Variants in ATF7IP observed in about 807,000 individuals in gnomAD.
The protein encoded by ATF7IP is activating transcription factor 7 interacting protein.
Under a neutral mutation model 106.4 loss-of-function variants are expected in ATF7IP, and 23 were observed. The ratio of observed to expected loss-of-function variants is 0.22; its 90% CI spans 0.16 to 0.31. The LOEUF is 0.31. Among genes scored for constraint, ATF7IP ranks in the 10% least tolerant of loss-of-function variants. The pLI is 1.00. For synonymous variants in ATF7IP, 542 were observed against 539.0 expected, an observed-to-expected ratio of 1.01 and a Z score of -0.08; for missense variants, 1,334 against 1,524.3, an observed-to-expected ratio of 0.88 and a Z score of 2.08.
At chr12:14,409,852 G>T (rs1940808711) in intron 1 of ATF7IP, among the ~76,000 whole-genome samples, 1 of 152,020 alleles carries the variant, frequency 6.6e-6, no homozygotes, top group South Asian at 2.1e-4. Context: ...ACCCAGTAAA[G>T]GGGTTTAGGT....
At chr12:14,447,682 A>ATTCTTT (rs1287523696) in intron 6 of ATF7IP, among the ~76,000 whole-genome samples, 1 of 152,136 alleles carries the variant, frequency 6.6e-6, no homozygotes, top group Non-Finnish European at 1.5e-5. Context: ...CATTCTTGTC[A>ATTCTTT]GATTCCCAGT....
At chr12:14,449,476 A>G (rs1052906662) in intron 6 of ATF7IP, among the ~76,000 whole-genome samples, 2 of 151,930 alleles carry the variant, frequency 1.3e-5, no homozygotes, top group Admixed American at 6.6e-5. Flanking sequence ...TAAGCTCTCT[A>G]TTCATTTCCT....
intron 1 of ATF7IP, among the ~76,000 whole-genome samples, chr12:14,381,792 C>T (rs958709820): frequency 6.6e-5 from 10 of 151,324 alleles, no homozygotes; most frequent in South Asian, 2.1e-4. Flanking sequence ...CTATAGTTTT[C>T]AATAATTTGC....
intron 2 of ATF7IP, among the ~76,000 whole-genome samples, 178 bp downstream of exon 2, chr12:14,425,651 G>A (rs956431206): frequency 6.6e-6 from 1 of 152,144 alleles, no homozygotes; most frequent in Non-Finnish European, 1.5e-5. Flanking sequence ...TACTCTGTGA[G>A]TAGCATTGTA....
chr12:14,424,067 G>A lies in ATF7IP; in HGVS notation c.152G>A (p.Gly51Glu). ...VKLLNGNHEN[G>E]DLDPTSPLEN... ...CTGTTAAATGGCAACCATGAAAATG[G>A]AGATTTGGACCCAACCTCACCTTTG... The change falls in exon 2 of 15, where the codon GGA becomes GAA. Residue 51 changes from glycine to glutamate, a missense_variant. Around this residue, in one of 10 missense-constraint regions of ATF7IP, gnomAD observed 74 missense variants for 101.9 expected, o/e 0.73. Coordinates refer to ENST00000261168, the MANE Select transcript of ATF7IP (RefSeq NM_018179.5). The A allele has an allele frequency of 1.2e-6, 2 of 1,614,116 alleles. No individual in the cohort carries two copies. The highest frequency in any genetic ancestry group is 1.7e-6 in the Non-Finnish European group (2 of 1,180,020).
chr12:14,427,656 G>A (rs117179761), intron 2 of ATF7IP, among the ~76,000 whole-genome samples: 1,683 of 152,256 alleles, frequency 0.011, 9 homozygotes, highest in Middle Eastern at 0.024. Context: ...GAGCCACCGC[G>A]TCTGGCCAAG....
chr12:14,423,189 T>C (rs1458948650), intron 1 of ATF7IP, among the ~76,000 whole-genome samples: 1 of 152,190 alleles, frequency 6.6e-6, no homozygotes, highest in Non-Finnish European at 1.5e-5. Context: ...TTTCTGGAAA[T>C]GTCTGTTCAA....
At chr12:14,406,521 T>A (rs1940588189) in intron 1 of ATF7IP, among the ~76,000 whole-genome samples, 3 of 152,152 alleles carry the variant, frequency 2.0e-5, no homozygotes, top group Admixed American at 2.0e-4. Flanking sequence ...TAAGAACTAT[T>A]TTAAGATATT....
At chr12:14,380,926 T>C (rs1938978288) in intron 1 of ATF7IP, among the ~76,000 whole-genome samples, 1 of 152,160 alleles carries the variant, frequency 6.6e-6, no homozygotes, top group Non-Finnish European at 1.5e-5. Context: ...GGCCAGGTAC[T>C]CTCATTTTTA....
At chr12:14,486,659 G>T (rs1334101049) in intron 13 of ATF7IP, among the ~76,000 whole-genome samples, 1 of 152,182 alleles carries the variant, frequency 6.6e-6, no homozygotes, top group Non-Finnish European at 1.5e-5. Context: ...ATTATCCAAT[G>T]CTAGAGCTCT....
intron 1 of ATF7IP, among the ~76,000 whole-genome samples, chr12:14,375,588 T>A (rs1029600464): frequency 7.2e-5 from 11 of 152,048 alleles, no homozygotes; most frequent in African/African-American, 2.7e-4. Context: ...AAACAAAAAA[T>A]TTTCCTAAAA....
chr12:14,408,172 A>G lies in ATF7IP; in HGVS notation c.-7-15737A>G, dbSNP rs963682155. Among the ~76,000 whole-genome samples, 43 of 151,952 alleles carry G rather than the reference A, an allele frequency of 2.8e-4. 1 individual carries two copies. Among genetic ancestry groups the G allele is most frequent in the Non-Finnish European group, 1.0e-4 (7 of 67,916 alleles). On this transcript the variant is annotated intron_variant, in intron 1 of 14. Transcript: ENST00000261168. The stretch of plus-strand genomic sequence containing the variant: ...TATATGGACAGTGGCATGTTTCTTG[A>G]AAGTGGCCCATTTATTTAGCTTAAC...
At chr12:14,434,109 T>C (rs1942279830) in intron 2 of ATF7IP, among the ~76,000 whole-genome samples, 1 of 152,220 alleles carries the variant, frequency 6.6e-6, no homozygotes, top group South Asian at 2.1e-4. Flanking sequence ...TATATTAAGA[T>C]TAAATCCTGT....
rs1341868643 is a variant in ATF7IP, at chr12:14,497,877, G to A, written c.3617G>A (p.Ser1206Asn). ...CTCTATGCTTACCATGAGGAACCCA[G>A]TGCCACTGTGCCCTCACAATGGAAA... ...YHLYAYHEEP[S>N]ATVPSQWKKI... The change falls in exon 15 of 15, where the codon AGT becomes AAT. Residue 1206 changes from serine (S) to asparagine (N), a missense_variant. Physicochemically the swap from Ser to Asn is conservative, Grantham distance 46. This residue lies in a region of ATF7IP where 80 missense variants were observed against 157.0 expected (regional missense o/e 0.51). Coordinates refer to ENST00000261168, the MANE Select transcript of ATF7IP (RefSeq NM_018179.5). The A allele has an allele frequency of 4.3e-6, 7 of 1,614,026 alleles. No homozygotes were observed. Among genetic ancestry groups the A allele is most frequent in the African/African-American group, 1.3e-5 (1 of 74,924 alleles).
At chr12:14,438,006 T>A in intron 4 of ATF7IP, 124 bp from the exon 5 acceptor site, 1 of 827,258 alleles carries the variant, frequency 1.2e-6, no homozygotes, top group Non-Finnish European at 1.8e-6. Context: ...TGAGCCGAGA[T>A]CCTGCCACTG....
intron 1 of ATF7IP, among the ~76,000 whole-genome samples, chr12:14,378,913 G>T (rs1349373860): frequency 6.6e-6 from 1 of 152,144 alleles, no homozygotes; most frequent in African/African-American, 2.4e-5. Flanking sequence ...CCTCAGGTAT[G>T]GTGGCAGCAA....
chr12:14,393,503 T>C (rs1427123049), intron 1 of ATF7IP, among the ~76,000 whole-genome samples: 2 of 151,930 alleles, frequency 1.3e-5, no homozygotes, highest in African/African-American at 2.4e-5. Context: ...AAATTTATCA[T>C]TGATAACCTA....
At chr12:14,466,315 T>G (rs1943830336) in intron 9 of ATF7IP, 2 of 445,280 alleles carry the variant, frequency 4.5e-6, no homozygotes, top group South Asian at 9.1e-5. Context: ...AGTGGAAAGT[T>G]TTTTTTAATC....
At chr12:14,367,944 T>A (rs1233110548) in intron 1 of ATF7IP, among the ~76,000 whole-genome samples, 1 of 152,126 alleles carries the variant, frequency 6.6e-6, no homozygotes, top group East Asian at 1.9e-4. Context: ...ATATTAAGAC[T>A]AGGTTACTCC....
Sources: gnomAD v4.1 joint callset for allele counts (sites outside exome capture counted in the v4.1 genomes callset) on GRCh38, gnomAD v4.1.1 for gene constraint, gnomAD v4.1.1 regional missense constraint, MANE v1.5 for transcripts, NCBI Gene and HGNC (gene_info 2026-07-23, HGNC 2026-07-21) for gene names.